ZDHHC7: variants seen among roughly 807,000 people sequenced by gnomAD.
ZDHHC7 encodes zDHHC palmitoyltransferase 7.
ZDHHC7 carries 12 observed loss-of-function variants against 34.1 expected under a neutral mutation model. The ratio of observed to expected loss-of-function variants is 0.35; its 90% confidence interval spans 0.23 to 0.57. ZDHHC7 has a LOEUF of 0.57. Ranked by LOEUF, ZDHHC7 falls within the 20% of genes least tolerant of loss-of-function variation. The pLI is 0.84. For missense variants in ZDHHC7, 388 were observed against 402.7 expected (o/e 0.96, Z 0.31); for synonymous variants, 185 against 155.4 (o/e 1.19, Z -1.42).
chr16:85,015,706 G>A (rs73264327), upstream of ZDHHC7, among the ~76,000 whole-genome samples: 3,606 of 152,040 alleles, frequency 0.024, 151 homozygotes, highest in African/African-American at 0.082. Flanking sequence ...TTGGCTGGGC[G>A]TGGTGGCGTA....
At position 84,989,440 on chromosome 16, in the gene ZDHHC7, A is replaced by C. The variant is rs560138610; in HGVS notation, c.315+864T>G. On this transcript the variant is annotated intron_variant, in intron 3 of 7. Coordinates refer to ENST00000313732, the MANE Select transcript of ZDHHC7 (RefSeq NM_017740.3). ...GTCAGGCGCGATGGCTCATGCCTGT[A>C]ATCTCAGCACTTTGGGAGGCCAAGG... 2.0e-5 allele frequency among the ~76,000 whole-genome samples: 3 copies of C among 152,334 alleles called. No homozygotes were observed. In the South Asian group the frequency reaches 6.2e-4, roughly 32 times the overall value.
the ZDHHC7 span, among the ~76,000 whole-genome samples, chr16:85,018,443 T>C: frequency 7.3e-6 from 1 of 137,522 alleles, no homozygotes; most frequent in African/African-American, 3.0e-5. Context: ...TGTACACTTA[T>C]TTGTATTCTT....
At chr16:85,004,910 AC>A (rs1200733134) in intron 1 of ZDHHC7, 1 of 151,872 alleles carries the variant, frequency 6.6e-6, no homozygotes, top group Non-Finnish European at 1.5e-5. Flanking sequence ...GAAGAGAAAA[AC>A]CCCACCTGTA....
In ZDHHC7 at chr16:84,976,050, A is replaced by C. The variant is rs957350470; in HGVS notation, c.*293T>G. The C allele has an allele frequency of 5.3e-6, 2 of 378,112 alleles. No homozygotes were observed. Among genetic ancestry groups the C allele is most frequent in the Non-Finnish European group, 9.5e-6 (2 of 210,220 alleles). The allele number at this position is 378,112 out of a possible 1,614,324, so 23.4% of individuals were successfully genotyped here. ...GCAGCTCAGGACCCAGGATTTGAAT[A>C]ACCCATGTAATAACCCGAAGTATTC... On this transcript the variant is annotated 3_prime_UTR_variant, in exon 8 of 8. Coordinates refer to ENST00000313732, the MANE Select transcript of ZDHHC7 (RefSeq NM_017740.3).
chr16:84,978,037 T>C, intron 5 of ZDHHC7, 32 bp from the exon 6 acceptor site: 1 of 1,543,214 alleles, frequency 6.5e-7, no homozygotes, highest in Non-Finnish European at 8.9e-7. Context: ...TTAGTCACTT[T>C]TATTTTTTAT....
rs200213740 is a variant in ZDHHC7 at position 85,009,701 on chromosome 16, C to CTTTTTTT, written c.-104+1578_-104+1584dup. Among the ~76,000 whole-genome samples, 15 of 132,306 alleles carry CTTTTTTT rather than the reference C, an allele frequency of 1.1e-4. 1 individual carries two copies. The highest frequency in any genetic ancestry group is 1.4e-4 in the Non-Finnish European group (9 of 63,382). The allele number at this position is 132,306 out of a possible 152,430, so 86.8% of individuals were successfully genotyped here. A position where few individuals can be genotyped will look rare whatever the true frequency, so the allele number is the denominator to read the frequency against. ...GCCTTTCACTTTAACCAAGTTCTGACTTTTTTTCTTTTTTTTTTTTTTTTT... is the reference window on the plus strand; with the variant it reads ...GCCTTTCACTTTAACCAAGTTCTGACTTTTTTTTTTTTTTCTTTTTTTTTTTTTTTTT... On this transcript the variant is annotated intron_variant, in intron 1 of 7. Transcript: ENST00000313732.
chr16:85,014,151 C>T (rs1378813789), upstream of ZDHHC7, among the ~76,000 whole-genome samples: 1 of 152,038 alleles, frequency 6.6e-6, no homozygotes, highest in Non-Finnish European at 1.5e-5. Context: ...ATTCTTAGTC[C>T]CCACACTTTT....
chr16:85,009,891 G>A (rs2072768023), intron 1 of ZDHHC7, among the ~76,000 whole-genome samples: 1 of 151,804 alleles, frequency 6.6e-6, no homozygotes, highest in African/African-American at 2.4e-5. Context: ...GGTATTTTTA[G>A]TAGACATGGG....
At position 84,974,395 on chromosome 16, in the gene ZDHHC7, C is replaced by A. The variant is rs1159977104; in HGVS notation, c.*1948G>T. 6.6e-6 allele frequency: 1 copy of A among 152,090 alleles called. No homozygotes were observed. Among genetic ancestry groups the A allele is most frequent in the Non-Finnish European group, 1.5e-5 (1 of 68,028 alleles). The allele number at this position is 152,090 out of a possible 1,614,324, so 9.4% of individuals were successfully genotyped here. A position where few individuals can be genotyped will look rare whatever the true frequency, so the allele number is the denominator to read the frequency against. ...CCTTAACAGCCTGGGGCTGGGCCCA[C>A]GAAGCACGGAAAGGCACCCCCTGAA... On this transcript the variant is annotated 3_prime_UTR_variant, in exon 8 of 8. Coordinates refer to ENST00000313732, the MANE Select transcript of ZDHHC7 (RefSeq NM_017740.3).
intron 2 of ZDHHC7, among the ~76,000 whole-genome samples, chr16:84,993,057 G>A (rs894429992): frequency 2.6e-5 from 4 of 152,178 alleles, no homozygotes; most frequent in African/African-American, 9.7e-5. Flanking sequence ...TTAAGGCTGG[G>A]TGCAGTGGCT....
chr16:84,987,748 A>G (rs2072455595), intron 3 of ZDHHC7, among the ~76,000 whole-genome samples: 2 of 152,244 alleles, frequency 1.3e-5, no homozygotes, highest in South Asian at 4.1e-4. Context: ...CGGCCAGAGC[A>G]TGGAATATTA....
intron 3 of ZDHHC7, 131 bp downstream of exon 3, chr16:84,990,173 T>A: frequency 9.0e-7 from 1 of 1,105,864 alleles, no homozygotes; most frequent in African/African-American, 1.6e-5. Flanking sequence ...CAAAATGAGC[T>A]CAATCCACCT....
chr16:84,986,348 G>A (rs1490777403), intron 3 of ZDHHC7, among the ~76,000 whole-genome samples: 3 of 152,338 alleles, frequency 2.0e-5, no homozygotes, highest in East Asian at 1.9e-4. Context: ...GTTCTCACAC[G>A]GATGCTACAC....
At chr16:84,980,435 C>T (rs1198793244) in intron 4 of ZDHHC7, among the ~76,000 whole-genome samples, 1 of 151,840 alleles carries the variant, frequency 6.6e-6, no homozygotes. Context: ...TTTGGCAGGC[C>T]GAGGCAGGTG....
At chr16:85,012,681 G>C (rs540177330), upstream of ZDHHC7, among the ~76,000 whole-genome samples, 95 of 152,246 alleles carry the variant, frequency 6.2e-4, no homozygotes, top group African/African-American at 2.1e-3. Flanking sequence ...GAGGCAGGCA[G>C]ATCACCTGAG....
At position 84,990,313 on chromosome 16, in the gene ZDHHC7, G is replaced by A. The variant is rs1327096940; in HGVS notation, c.306C>T (p.Leu102=). ...LALSSHLRTM[L]TDPGAVPKGN... is the part of the protein sequence containing the mutation. ...CGCAGCCAGTACTCACAGGGTCGGT[G>A]AGCATGGTTCTCAGGTGGGATGACA... Residue 102 remains leucine (L), a synonymous_variant, in exon 3 of 8, where the codon CTC becomes CTT. Coordinates refer to ENST00000313732, the MANE Select transcript of ZDHHC7 (RefSeq NM_017740.3). 6.2e-7 allele frequency: 1 copy of A among 1,613,624 alleles called. No individual in the cohort carries two copies. The highest frequency in any genetic ancestry group is 8.5e-7 in the Non-Finnish European group (1 of 1,179,758).
intron 1 of ZDHHC7, among the ~76,000 whole-genome samples, chr16:85,002,205 G>T (rs1312748508): frequency 6.6e-6 from 1 of 152,184 alleles, no homozygotes; most frequent in African/African-American, 2.4e-5. Context: ...CGAGTCCGAG[G>T]AATGCCTGTG....
rs1277579447 is a variant in ZDHHC7, at chr16:84,981,981, T to A, written c.329A>T (p.Lys110Ile). The change falls in exon 4 of 8, where the codon AAA (lysine) becomes ATA (isoleucine). Residue 110 changes from lysine to isoleucine, a missense_variant. Physicochemically the swap from Lys to Ile is moderately radical, Grantham distance 102 (BLOSUM62 -3). Coordinates refer to ENST00000313732, the MANE Select transcript of ZDHHC7 (RefSeq NM_017740.3). ...CATGTATTCTTTCGTAGCGTTTCCT[T>A]TGGGTACTGCCCCCTACCATATAAG... ...TMLTDPGAVPKGNATKEYMES... is the reference protein window; with the variant it reads ...TMLTDPGAVPIGNATKEYMES... 1 of 1,613,998 alleles carries A rather than the reference T, an allele frequency of 6.2e-7. No homozygotes were observed. Among genetic ancestry groups the A allele is most frequent in the African/African-American group, 1.3e-5 (1 of 74,910 alleles).
At position 84,997,655 on chromosome 16, in the gene ZDHHC7, G is replaced by A. The variant is rs560021432; in HGVS notation, c.-103-1648C>T. Among the ~76,000 whole-genome samples the A allele has an allele frequency of 9.2e-5, 14 of 151,454 alleles. No homozygotes were observed. In the East Asian group the frequency reaches 2.8e-3, roughly 30 times the overall value. On this transcript the variant is annotated intron_variant, in intron 1 of 7. Coordinates refer to ENST00000313732, the MANE Select transcript of ZDHHC7 (RefSeq NM_017740.3). The stretch of plus-strand genomic sequence containing the variant: ...CACGCCTGTAACCCCAGCACTTTGG[G>A]AGGCTGAGGTGGGCGGATCACAAGG...
Sources: allele counts gnomAD v4.1 joint callset (sites outside exome capture counted in the v4.1 genomes callset), GRCh38; gene constraint gnomAD v4.1.1; transcripts MANE v1.5; gene names NCBI Gene and HGNC (gene_info 2026-07-23, HGNC 2026-07-21).